TTC7B: variants seen among roughly 807,000 people sequenced by gnomAD.
The protein encoded by TTC7B is tetratricopeptide repeat domain 7B.
TTC7B carries 28 observed loss-of-function variants against 106.8 expected under a neutral mutation model. The ratio of observed to expected loss-of-function variants is 0.26; its 90% CI spans 0.19 to 0.36. TTC7B has a LOEUF of 0.36. Ranked by LOEUF, TTC7B falls within the 10% of genes least tolerant of loss-of-function variation. TTC7B has a pLI of 1.00. For missense variants in TTC7B, 862 were observed against 1,076.4 expected, an observed-to-expected ratio of 0.80 and a Z score of 2.79; for synonymous variants, 405 against 430.6, an observed-to-expected ratio of 0.94 and a Z score of 0.74.
In TTC7B at chr14:90,644,037, G is replaced by A. The variant is rs200544435; in HGVS notation, c.1751+11C>T. 1.9e-6 allele frequency: 3 copies of A among 1,614,076 alleles called. No homozygotes were observed. In the Admixed American group the frequency reaches 5.0e-5, roughly 27 times the overall value. On this transcript the variant is annotated intron_variant, in intron 15 of 19. Transcript: ENST00000328459. ...CTGAGTAAGGGAAAACCAAAGCCCA[G>A]GATCACTTACATGAAATTTTCTGGG...
intron 5 of TTC7B, among the ~76,000 whole-genome samples, chr14:90,725,046 G>A (rs1005573565): frequency 1.3e-5 from 2 of 152,138 alleles, no homozygotes; most frequent in Admixed American, 6.5e-5. Flanking sequence ...CGTATCTCTT[G>A]AAGAGGGTTG....
intron 16 of TTC7B, among the ~76,000 whole-genome samples, chr14:90,611,415 G>A (rs1892868542): frequency 6.6e-6 from 1 of 152,148 alleles, no homozygotes; most frequent in Non-Finnish European, 1.5e-5. Context: ...CTGGATTCAA[G>A]AACCCCTGAC....
intron 7 of TTC7B, among the ~76,000 whole-genome samples, chr14:90,686,206 G>A (rs1887246024): frequency 6.6e-6 from 1 of 152,164 alleles, no homozygotes; most frequent in East Asian, 1.9e-4. Context: ...ATACACCACA[G>A]CATTAGAATA....
intron 3 of TTC7B, among the ~76,000 whole-genome samples, chr14:90,756,393 T>G (rs1458529829): frequency 6.7e-6 from 1 of 150,180 alleles, no homozygotes; most frequent in Non-Finnish European, 1.5e-5. Flanking sequence ...TGTTTTTTTT[T>G]TTTGTTTTTT....
intron 14 of TTC7B, among the ~76,000 whole-genome samples, chr14:90,646,016 C>G (rs987070464): frequency 5.9e-5 from 9 of 152,166 alleles, no homozygotes; most frequent in African/African-American, 2.2e-4. Context: ...GATGGTCAAT[C>G]AATGCCCACA....
chr14:90,781,013 A>G, intron 2 of TTC7B, 107 bp from the exon 3 acceptor site: 1 of 967,184 alleles, frequency 1.0e-6, no homozygotes, highest in Non-Finnish European at 1.6e-6. Context: ...CTCCCCGCAC[A>G]AGAGCTTGGA....
chr14:90,810,860 T>G (rs1161642581), intron 1 of TTC7B, among the ~76,000 whole-genome samples: 1 of 152,184 alleles, frequency 6.6e-6, no homozygotes, highest in Non-Finnish European at 1.5e-5. Context: ...GCAGAGAGGA[T>G]TCCAGAGTCA....
chr14:90,550,565 C>T (rs569820204), intron 19 of TTC7B, among the ~76,000 whole-genome samples: 3 of 152,296 alleles, frequency 2.0e-5, no homozygotes, highest in South Asian at 2.1e-4. Flanking sequence ...AGATGGCCAC[C>T]CTGAAGGCTG....
At chr14:90,806,560 G>A (rs1208978939) in intron 1 of TTC7B, among the ~76,000 whole-genome samples, 2 of 152,102 alleles carry the variant, frequency 1.3e-5, no homozygotes, top group African/African-American at 4.8e-5. Context: ...AAATAATGCT[G>A]GTGCCGGAAA....
At chr14:90,719,553 C>A (rs893384508) in intron 5 of TTC7B, among the ~76,000 whole-genome samples, 1 of 152,174 alleles carries the variant, frequency 6.6e-6, no homozygotes, top group African/African-American at 2.4e-5. Context: ...TAAGCCAGGG[C>A]AGATGGCAAA....
chr14:90,776,138 G>A (rs893313166), intron 3 of TTC7B, among the ~76,000 whole-genome samples: 12 of 90,086 alleles, frequency 1.3e-4, no homozygotes, highest in South Asian at 3.7e-4. Flanking sequence ...AGGGCCCCCC[G>A]TGACACACAC....
In TTC7B at chr14:90,533,554, C is replaced by A. The variant is rs917397425; in HGVS notation, c.*7814G>T. The A allele has an allele frequency of 2.6e-5, 4 of 152,286 alleles. No homozygotes were observed. The highest frequency in any genetic ancestry group is 2.0e-4 in the Admixed American group (3 of 15,284). The allele number at this position is 152,286 out of a possible 1,614,324, so 9.4% of individuals were successfully genotyped here. A position where few individuals can be genotyped will look rare whatever the true frequency, so the allele number is the denominator to read the frequency against. ...TGTCCAGGTTGACCTCTGTTAATAT[C>A]CCCAAAAGCCCGTAAGGGAAGTTAC... On this transcript the variant is annotated 3_prime_UTR_variant, in exon 20 of 20. Transcript: ENST00000328459.
chr14:90,716,402 A>C (rs577804270), intron 5 of TTC7B, among the ~76,000 whole-genome samples: 1 of 152,320 alleles, frequency 6.6e-6, no homozygotes, highest in South Asian at 2.1e-4. Context: ...TTTACATGGA[A>C]GTGTACAGAT....
At chr14:90,720,874 T>C (rs900630705) in intron 5 of TTC7B, among the ~76,000 whole-genome samples, 1 of 152,208 alleles carries the variant, frequency 6.6e-6, no homozygotes, top group Non-Finnish European at 1.5e-5. Context: ...ACAGGGACCA[T>C]TTGCTGTCTC....
intron 5 of TTC7B, among the ~76,000 whole-genome samples, chr14:90,718,359 T>G (rs1432852679): frequency 6.6e-6 from 1 of 152,218 alleles, no homozygotes. Flanking sequence ...AGAGCCAGCT[T>G]GAGGCACTTA....
intron 1 of TTC7B, among the ~76,000 whole-genome samples, chr14:90,812,860 C>T (rs2030973441): frequency 6.6e-6 from 1 of 152,200 alleles, no homozygotes; most frequent in African/African-American, 2.4e-5. Flanking sequence ...CTCAAAGGAG[C>T]CAGGCTGGGG....
intron 15 of TTC7B, among the ~76,000 whole-genome samples, chr14:90,628,748 C>A (rs1884561175): frequency 6.6e-6 from 1 of 152,260 alleles, no homozygotes; most frequent in Non-Finnish European, 1.5e-5. Context: ...TTGCATCAAT[C>A]AGCTGCTCCT....
intron 15 of TTC7B, among the ~76,000 whole-genome samples, chr14:90,638,855 C>T (rs1435406232): frequency 6.6e-6 from 1 of 152,238 alleles, no homozygotes; most frequent in Non-Finnish European, 1.5e-5. Flanking sequence ...GTGGCAATCA[C>T]ATGGGACTGG....
chr14:90,580,821 T>G (rs1374429037), intron 18 of TTC7B, among the ~76,000 whole-genome samples: 1 of 152,106 alleles, frequency 6.6e-6, no homozygotes, highest in African/African-American at 2.4e-5. Context: ...TTTTGTGAGG[T>G]CTTGGGTATG....
Sources: allele counts gnomAD v4.1 joint callset (sites outside exome capture counted in the v4.1 genomes callset), GRCh38; gene constraint gnomAD v4.1.1; transcripts MANE v1.5; gene names NCBI Gene and HGNC (gene_info 2026-07-23, HGNC 2026-07-21).